GRAMD1B: variants seen among roughly 807,000 people sequenced by gnomAD.
The protein encoded by GRAMD1B is protein Aster-B.
Under a neutral mutation model 99.7 loss-of-function variants are expected in GRAMD1B, and 37 were observed. The ratio of observed to expected loss-of-function variants is 0.37; its 90% CI spans 0.29 to 0.49. GRAMD1B has a LOEUF of 0.49. Among genes scored for constraint, GRAMD1B ranks in the 20% least tolerant of loss-of-function variants. The pLI is 0.98. For synonymous variants in GRAMD1B, 427 were observed against 387.6 expected (o/e 1.10, Z -1.19); for missense variants, 888 against 1,009.2 (o/e 0.88, Z 1.63).
Position 123,619,089 on chromosome 11 carries a change from C to A in GRAMD1B, c.2427-18C>A. On this transcript the variant is annotated intron_variant, in intron 18 of 19. Coordinates refer to ENST00000635736, the MANE Select transcript of GRAMD1B (RefSeq NM_001387025.1). ...GCATAACTCCAGCTGCTGGGGTACCCCTTCTTCTACCCCACAGGTTACCCC... is the reference window on the plus strand; with the variant it reads ...GCATAACTCCAGCTGCTGGGGTACCACTTCTTCTACCCCACAGGTTACCCC... The A allele has an allele frequency of 7.3e-7, 1 of 1,376,928 alleles. No homozygotes were observed. Among genetic ancestry groups the A allele is most frequent in the Non-Finnish European group, 1.0e-6 (1 of 988,326 alleles). The allele number at this position is 1,376,928 out of a possible 1,614,324, so 85.3% of individuals were successfully genotyped here. A position where few individuals can be genotyped will look rare whatever the true frequency, so the allele number is the denominator to read the frequency against.
chr11:123,393,764 C>G (rs1947359675), intron 1 of GRAMD1B, among the ~76,000 whole-genome samples: 1 of 152,190 alleles, frequency 6.6e-6, no homozygotes, highest in African/African-American at 2.4e-5. Flanking sequence ...CCCAGGTCCA[C>G]CCTCTTCAAT....
At chr11:123,559,907 T>C (rs932460100) in intron 2 of GRAMD1B, among the ~76,000 whole-genome samples, 1 of 152,246 alleles carries the variant, frequency 6.6e-6, no homozygotes, top group Non-Finnish European at 1.5e-5. Flanking sequence ...CACGACTCTC[T>C]TTAGAGCCAG....
chr11:123,608,056 C>T (rs1465786442), intron 11 of GRAMD1B: 1 of 160,524 alleles, frequency 6.2e-6, no homozygotes, highest in Non-Finnish European at 1.4e-5. Flanking sequence ...TCTTATTTTG[C>T]TATATGATGA....
intron 1 of GRAMD1B, among the ~76,000 whole-genome samples, chr11:123,466,324 AAG>A (rs1950658510): frequency 2.0e-5 from 3 of 149,774 alleles, no homozygotes; most frequent in African/African-American, 7.4e-5. Context: ...AAGAGAAAGA[AAG>A]AAAGAAAGAA....
chr11:123,516,409 C>G (rs1941674115), intron 2 of GRAMD1B, among the ~76,000 whole-genome samples: 1 of 152,208 alleles, frequency 6.6e-6, no homozygotes, highest in Non-Finnish European at 1.5e-5. Context: ...GGAAATGAAA[C>G]TGTTTAAAGT....
At chr11:123,381,884 C>T (rs1279054573) in intron 1 of GRAMD1B, among the ~76,000 whole-genome samples, 1 of 152,188 alleles carries the variant, frequency 6.6e-6, no homozygotes, top group Non-Finnish European at 1.5e-5. Context: ...TGAAGTCAGC[C>T]AGCTAGGACC....
At chr11:123,425,305 A>G (rs534314138), upstream of GRAMD1B, among the ~76,000 whole-genome samples, 1 of 152,312 alleles carries the variant, frequency 6.6e-6, no homozygotes, top group African/African-American at 2.4e-5. Flanking sequence ...ATTCCAGCAC[A>G]TGCCACCTGC....
intron 1 of GRAMD1B, among the ~76,000 whole-genome samples, chr11:123,360,498 G>A (rs927243051): frequency 1.3e-5 from 2 of 152,174 alleles, no homozygotes; most frequent in Non-Finnish European, 2.9e-5. Flanking sequence ...AGAGATCCAG[G>A]TCTCAAAAGG....
intron 3 of GRAMD1B, among the ~76,000 whole-genome samples, chr11:123,579,258 G>A (rs1949070361): frequency 6.6e-6 from 1 of 152,176 alleles, no homozygotes; most frequent in Non-Finnish European, 1.5e-5. Context: ...CAAGGAGGTG[G>A]GATGCAGCCC....
At chr11:123,397,813 A>G (rs576478886) in intron 1 of GRAMD1B, among the ~76,000 whole-genome samples, 1 of 152,170 alleles carries the variant, frequency 6.6e-6, no homozygotes, top group African/African-American at 2.4e-5. Flanking sequence ...CCAACCTAGA[A>G]TTTCATGTAT....
chr11:123,476,342 C>G (rs1198755157), intron 1 of GRAMD1B, among the ~76,000 whole-genome samples: 1 of 152,186 alleles, frequency 6.6e-6, no homozygotes, highest in Non-Finnish European at 1.5e-5. Flanking sequence ...TTCAGGTGAT[C>G]TACCCGCCTC....
At chr11:123,377,261 G>A (rs1946719315) in intron 1 of GRAMD1B, among the ~76,000 whole-genome samples, 1 of 152,070 alleles carries the variant, frequency 6.6e-6, no homozygotes, top group South Asian at 2.1e-4. Flanking sequence ...ATGGTAGCTG[G>A]CATAAAAATC....
At chr11:123,585,838 T>G (rs1008705636) in intron 4 of GRAMD1B, among the ~76,000 whole-genome samples, 4 of 152,208 alleles carry the variant, frequency 2.6e-5, no homozygotes, top group Admixed American at 1.3e-4. Context: ...CTGTCCTTGT[T>G]GCTAATCTCC....
rs780523918 is a variant in GRAMD1B, at chr11:123,400,711, A to C, written c.-176+41912A>C. Among the ~76,000 whole-genome samples the C allele has an allele frequency of 3.2e-4, 49 of 151,906 alleles. 1 individual carries two copies. The highest frequency in any genetic ancestry group is 6.8e-3 in the Middle Eastern group (2 of 294). On this transcript the variant is annotated intron_variant, in intron 1 of 20. Transcript: ENST00000638157. ...TCATGACCTAACCTCCTCCCAAAGG[A>C]CTCACCTCCTAATTCCATCGTACTG... is the stretch of plus-strand genomic sequence containing the variant.
At chr11:123,364,951 A>T (rs1946268742) in intron 1 of GRAMD1B, among the ~76,000 whole-genome samples, 1 of 152,166 alleles carries the variant, frequency 6.6e-6, no homozygotes, top group Admixed American at 6.5e-5. Context: ...CTGTCATGAG[A>T]ATGGCCGATA....
intron 16 of GRAMD1B, 86 bp downstream of exon 16, chr11:123,613,744 A>G (rs1953937705): frequency 2.3e-6 from 2 of 879,350 alleles, no homozygotes; most frequent in African/African-American, 1.7e-5. Flanking sequence ...ATGCACACTC[A>G]TTTTGCACCT....
chr11:123,627,220 G>A lies in GRAMD1B; in HGVS notation c.*4625G>A, dbSNP rs945896085. ...CAATAAGACATTGCAGAAGCAAAAG[G>A]GTGGCCTCTGCTCCAGGCAAGGCAG... On this transcript the variant is annotated 3_prime_UTR_variant, in exon 20 of 20. Coordinates refer to ENST00000635736, the MANE Select transcript of GRAMD1B (RefSeq NM_001387025.1). 6.6e-6 allele frequency: 1 copy of A among 152,252 alleles called. No individual in the cohort carries two copies. The highest frequency in any genetic ancestry group is 2.4e-5 in the African/African-American group (1 of 41,454). The allele number at this position is 152,252 out of a possible 1,614,324, so 9.4% of individuals were successfully genotyped here.
At chr11:123,504,392 C>T (rs1009016499) in intron 2 of GRAMD1B, among the ~76,000 whole-genome samples, 2 of 152,182 alleles carry the variant, frequency 1.3e-5, no homozygotes, top group Non-Finnish European at 2.9e-5. Flanking sequence ...TGACTGACCC[C>T]GAAGGCTTAG....
At chr11:123,508,965 G>A (rs1940713650) in intron 2 of GRAMD1B, among the ~76,000 whole-genome samples, 3 of 152,230 alleles carry the variant, frequency 2.0e-5, no homozygotes, top group South Asian at 2.1e-4. Flanking sequence ...GATTACAGGT[G>A]TGAGCCACCG....
Sources: gnomAD v4.1 joint callset for allele counts (sites outside exome capture counted in the v4.1 genomes callset) on GRCh38, gnomAD v4.1.1 for gene constraint, MANE v1.5 for transcripts, NCBI Gene and HGNC (gene_info 2026-07-23, HGNC 2026-07-21) for gene names.